SPATC1: variants seen among roughly 807,000 people sequenced by gnomAD.
SPATC1 encodes the protein speriolin.
In SPATC1, 35 loss-of-function variants were observed where a neutral mutation model predicts 36.5. That is an observed-to-expected ratio of 0.96 (90% confidence interval 0.73 to 1.27). The LOEUF (loss-of-function observed/expected upper bound fraction) is 1.27. SPATC1 is among the 50% of genes most tolerant of loss of function. The probability of loss-of-function intolerance (pLI) is 0.00; values close to 1 mark genes in which losing one functional copy is unlikely to be tolerated. For missense variants in SPATC1, 779 were observed against 796.0 expected, an observed-to-expected ratio of 0.98 and a Z score of 0.26; for synonymous variants, 361 against 353.6, an observed-to-expected ratio of 1.02 and a Z score of -0.24.
At position 144,046,660 on chromosome 8, in the gene SPATC1, G is replaced by C; in HGVS notation, c.1480G>C (p.Glu494Gln). The C allele has an allele frequency of 1.2e-6, 2 of 1,611,492 alleles. No homozygotes were observed. The highest frequency in any genetic ancestry group is 1.7e-6 in the Non-Finnish European group (2 of 1,179,816). ...SLNPSDHKLD[E>Q]KLCQRLTQRY... ...GAACCCCAGTGACCACAAGCTGGAT[G>C]AGAAGCTGTGCCAGAGGCTCACACA... The change falls in exon 5 of 5, where the codon GAG (glutamate) becomes CAG (glutamine). Residue 494 changes from glutamate (E) to glutamine (Q), a missense_variant. Coordinates refer to ENST00000377470, the MANE Select transcript of SPATC1 (RefSeq NM_198572.3). The surrounding 1 kb of genome is among the most constrained non-coding windows in gnomAD (Gnocchi z 6.6).
rs782585134 is a variant in SPATC1, at chr8:144,041,372, G to A, written c.1446+1G>A. 1.9e-6 allele frequency: 3 copies of A among 1,607,686 alleles called. 1 individual carries two copies. The highest frequency in any genetic ancestry group is 1.1e-5 in the South Asian group (1 of 91,082). On this transcript the variant is annotated splice_donor_variant, in intron 4 of 4. Coordinates refer to ENST00000377470, the MANE Select transcript of SPATC1 (RefSeq NM_198572.3). LOFTEE classifies it high-confidence loss of function. ...CAACATCCCAGAGAAGATCATCCAG[G>A]TGTGCGGCCAGGGGTCCTGCAGGGA...
intron 1 of SPATC1, among the ~76,000 whole-genome samples, chr8:144,035,158 C>T (rs1386067310): frequency 6.6e-6 from 1 of 152,180 alleles, no homozygotes; most frequent in East Asian, 1.9e-4. Flanking sequence ...TGGCATCTGC[C>T]CCCTGCTCTC....
Position 144,016,910 on chromosome 8 carries a change from A to G in SPATC1, c.211+4184A>G, listed in dbSNP as rs903269362. On this transcript the variant is annotated intron_variant, in intron 1 of 4. Transcript: ENST00000377470. The surrounding 1 kb of genome is among the most constrained non-coding windows in gnomAD (Gnocchi z 4.5). ...CACCTTGGCCTCCCAAAGTGCTGGG[A>G]ATACAGGCATGAGCCACCACACCCG... Among the ~76,000 whole-genome samples the G allele has an allele frequency of 1.3e-5, 2 of 152,162 alleles. No homozygotes were observed. The highest frequency in any genetic ancestry group is 1.5e-5 in the Non-Finnish European group (1 of 68,032).
At chr8:144,030,364 T>C (rs1459196493) in intron 1 of SPATC1, among the ~76,000 whole-genome samples, 1 of 152,178 alleles carries the variant, frequency 6.6e-6, no homozygotes, top group Admixed American at 6.5e-5. Flanking sequence ...TATGTATGTA[T>C]GTATGTATGT....
rs144715538 is a variant in SPATC1, at chr8:144,017,249, C to G, written c.211+4523C>G. 3.7e-3 allele frequency among the ~76,000 whole-genome samples: 565 copies of G among 152,374 alleles called. 2 individuals carry two copies. Among genetic ancestry groups the G allele is most frequent in the African/African-American group, 0.012 (515 of 41,594 alleles). ...TATAGTTGCCTCAGAGAATCTTTCTCTGGCCACTTCCTCAACCTGCCTGTT... is the reference window on the plus strand; with the variant it reads ...TATAGTTGCCTCAGAGAATCTTTCTGTGGCCACTTCCTCAACCTGCCTGTT... On this transcript the variant is annotated intron_variant, in intron 1 of 4. Transcript: ENST00000377470.
intron 1 of SPATC1, among the ~76,000 whole-genome samples, chr8:144,031,450 C>CTTTTT (rs1176896425): frequency 9.4e-5 from 11 of 116,674 alleles, no homozygotes; most frequent in Non-Finnish European, 1.2e-4. Flanking sequence ...ATTTTTTTTT[C>CTTTTT]TTTTTTTTTT....
chr8:144,045,969 G>C lies in SPATC1; in HGVS notation c.1447-658G>C, dbSNP rs1398726807. 2.0e-5 allele frequency among the ~76,000 whole-genome samples: 3 copies of C among 152,184 alleles called. No individual in the cohort carries two copies. Among genetic ancestry groups the C allele is most frequent in the Non-Finnish European group, 4.4e-5 (3 of 68,014 alleles). ...GAGGACACAGGGCATGAGGAAGTGA[G>C]TGGAAACTGACCCAGATGTGCTGGT... On this transcript the variant is annotated intron_variant, in intron 4 of 4. Transcript: ENST00000377470. This position sits in a 1 kb window ranked among gnomAD's most constrained non-coding sequence, Gnocchi z 5.2.
chr8:144,041,191 C>A, intron 3 of SPATC1, 41 bp from the exon 4 acceptor site: 1 of 1,610,166 alleles, frequency 6.2e-7, no homozygotes, highest in Non-Finnish European at 8.5e-7. Context: ...CCCAGCTCCT[C>A]TCACCCTCTC....
At chr8:144,036,302 C>T in intron 1 of SPATC1, among the ~76,000 whole-genome samples, 1 of 152,058 alleles carries the variant, frequency 6.6e-6, no homozygotes, top group East Asian at 1.9e-4. Context: ...TTTTGATTTA[C>T]TTGTTTGGAA....
At chr8:144,030,136 C>A (rs1383045008) in intron 1 of SPATC1, among the ~76,000 whole-genome samples, 1 of 152,202 alleles carries the variant, frequency 6.6e-6, no homozygotes, top group Non-Finnish European at 1.5e-5. Context: ...TTACTATTTG[C>A]ATGGAATATC....
intron 1 of SPATC1, among the ~76,000 whole-genome samples, chr8:144,027,007 G>T (rs1434002093): frequency 0.94 from 125,687 of 133,766 alleles, 58,804 homozygotes; most frequent in Middle Eastern, 0.97. Flanking sequence ...TTTTTTTTTG[G>T]ATTTTTAGTA....
intron 1 of SPATC1, among the ~76,000 whole-genome samples, chr8:144,035,200 C>G (rs1193241938): frequency 6.6e-6 from 1 of 152,194 alleles, no homozygotes; most frequent in African/African-American, 2.4e-5. Flanking sequence ...CGCCTGCCCT[C>G]CCCCATCAAC....
Position 144,040,989 on chromosome 8 carries a change from G to T in SPATC1, c.1188G>T (p.Pro396=). The change falls in exon 3 of 5, where the codon CCG becomes CCT. Residue 396 remains proline (P), a synonymous_variant. Coordinates refer to ENST00000377470, the MANE Select transcript of SPATC1 (RefSeq NM_198572.3). ...CCCCACCTCGTACCTCATCCTCCCC[G>T]GCTTCAGTCAATGACTCTCGAGGTC... ...AHSPPRTSSS[P]ASVNDSRGPR... is the part of the protein sequence containing the mutation. The T allele has an allele frequency of 6.2e-7, 1 of 1,611,264 alleles. No individual in the cohort carries two copies. The highest frequency in any genetic ancestry group is 1.1e-5 in the South Asian group (1 of 90,896).
Position 144,046,933 on chromosome 8 carries a change from G to A in SPATC1, c.1753G>A (p.Gly585Ser), listed in dbSNP as rs143488900. ...CCTCAGCCAGCTGGCGCACGATGAC[G>A]GCAAGCCCATGTTCATCTGGTGACG... is the stretch of plus-strand genomic sequence containing the variant. ...SCLSQLAHDD[G>S]KPMFIW The change falls in exon 5 of 5, where the codon GGC (glycine) becomes AGC (serine). Residue 585 changes from glycine to serine, a missense_variant. Coordinates refer to ENST00000377470, the MANE Select transcript of SPATC1 (RefSeq NM_198572.3). The surrounding 1 kb of genome is among the most constrained non-coding windows in gnomAD (Gnocchi z 6.6). 3.9e-5 allele frequency: 63 copies of A among 1,597,914 alleles called. No homozygotes were observed. Among genetic ancestry groups the A allele is most frequent in the African/African-American group, 3.6e-4 (27 of 75,034 alleles).
chr8:144,025,392 C>T (rs917396254), intron 1 of SPATC1, among the ~76,000 whole-genome samples: 6 of 152,170 alleles, frequency 3.9e-5, no homozygotes, highest in Non-Finnish European at 7.3e-5. Flanking sequence ...CCAAACCTTG[C>T]TGAGAGACCT....
Position 144,046,194 on chromosome 8 carries a change from G to A in SPATC1, c.1447-433G>A, listed in dbSNP as rs140576806. ...GGGGTGGCCTTCAGACGCTGAAAGG[G>A]AGCAGAGCACGGAGCCAGGAGGAGG... On this transcript the variant is annotated intron_variant, in intron 4 of 4. Transcript: ENST00000377470. The surrounding 1 kb of genome is among the most constrained non-coding windows in gnomAD (Gnocchi z 6.6). Among the ~76,000 whole-genome samples, 2 of 152,226 alleles carry A rather than the reference G, an allele frequency of 1.3e-5. No homozygotes were observed. The highest frequency in any genetic ancestry group is 3.9e-4 in the East Asian group (2 of 5,184).
At chr8:144,037,868 G>C (rs1264516153) in intron 1 of SPATC1, among the ~76,000 whole-genome samples, 1 of 151,114 alleles carries the variant, frequency 6.6e-6, no homozygotes, top group Non-Finnish European at 1.5e-5. Flanking sequence ...CGGTGGCCAC[G>C]CCTGTAATCC....
chr8:144,032,964 A>G (rs1834827610), intron 1 of SPATC1, among the ~76,000 whole-genome samples: 1 of 152,138 alleles, frequency 6.6e-6, no homozygotes, highest in Non-Finnish European at 1.5e-5. Context: ...ACAACGACCA[A>G]CTACGACCCA....
At chr8:144,034,011 C>T (rs1209844723) in intron 1 of SPATC1, among the ~76,000 whole-genome samples, 7 of 152,332 alleles carry the variant, frequency 4.6e-5, no homozygotes, top group Non-Finnish European at 8.8e-5. Context: ...TGCAGCCAGG[C>T]CACTTGGGTT....
Sources: gnomAD v4.1 joint callset for allele counts (sites outside exome capture counted in the v4.1 genomes callset) on GRCh38, gnomAD v4.1.1 for gene constraint, Gnocchi (gnomAD v3.1) non-coding constraint, MANE v1.5 for transcripts, NCBI Gene and HGNC (gene_info 2026-07-23, HGNC 2026-07-21) for gene names.